CREM: variants seen among roughly 807,000 people sequenced by gnomAD.
CREM encodes cAMP responsive element modulator.
In CREM, 13 loss-of-function variants were observed where a neutral mutation model predicts 37.3. The ratio of observed to expected loss-of-function variants is 0.35; its 90% CI spans 0.23 to 0.55. The LOEUF (loss-of-function observed/expected upper bound fraction) is 0.55. CREM is among the 20% of genes least tolerant of loss of function. CREM has a pLI of 0.88. For synonymous variants in CREM, 124 were observed against 120.2 expected (o/e 1.03, Z -0.21); for missense variants, 296 against 362.3 (o/e 0.82, Z 1.49).
At chr10:35,176,985 GTA>G (rs989536799) in intron 3 of CREM, among the ~76,000 whole-genome samples, 22 of 151,990 alleles carry the variant, frequency 1.4e-4, no homozygotes, top group Middle Eastern at 3.4e-3. Context: ...ATTTTTTAAA[GTA>G]TGCATCTTAA....
chr10:35,195,036 G>C, intron 6 of CREM: 1 of 656,762 alleles, frequency 1.5e-6, no homozygotes, highest in South Asian at 2.1e-5. Context: ...CAGTGAGCTC[G>C]CCTGTGACAA....
At chr10:35,142,357 G>T (rs1171090193) in intron 2 of CREM, among the ~76,000 whole-genome samples, 1 of 152,200 alleles carries the variant, frequency 6.6e-6, no homozygotes, top group Non-Finnish European at 1.5e-5. Context: ...TAGGGAGGAG[G>T]CAGGAGGCAA....
chr10:35,211,682 G>C lies in CREM; in HGVS notation c.*284G>C. The C allele has an allele frequency of 6.2e-7, 1 of 1,613,040 alleles. No individual in the cohort carries two copies. The highest frequency in any genetic ancestry group is 8.5e-7 in the Non-Finnish European group (1 of 1,179,682). ...GAAGCTGCCAAAGAATGTCGACGTC[G>C]AAAGAAAGAATATGTAAAATGTCTG... On this transcript the variant is annotated 3_prime_UTR_variant, in exon 8 of 8. Coordinates refer to ENST00000685392, the MANE Select transcript of CREM (RefSeq NM_183011.2).
At chr10:35,176,032 A>T (rs2132978771) in intron 3 of CREM, 1 of 1,530,000 alleles carries the variant, frequency 6.5e-7, no homozygotes, top group Admixed American at 2.2e-5. Context: ...TTTGTCTTTG[A>T]CTTTCTTGAG....
chr10:35,150,651 G>A (rs933510205), intron 3 of CREM, among the ~76,000 whole-genome samples: 2 of 152,002 alleles, frequency 1.3e-5, no homozygotes, highest in Admixed American at 1.3e-4. Context: ...AAGAAACCCT[G>A]TCTCTACTAA....
At chr10:35,205,726 A>G (rs2095503299) in intron 6 of CREM, among the ~76,000 whole-genome samples, 2 of 152,216 alleles carry the variant, frequency 1.3e-5, no homozygotes, top group Non-Finnish European at 2.9e-5. Context: ...TGCGAGGTTG[A>G]GGCAGGCAGA....
At chr10:35,203,087 C>T (rs1357783961) in intron 6 of CREM, among the ~76,000 whole-genome samples, 1 of 151,528 alleles carries the variant, frequency 6.6e-6, no homozygotes, top group East Asian at 1.9e-4. Flanking sequence ...CAGGGTCTTA[C>T]TCTGTCGCTC....
chr10:35,129,895 G>GA (rs1363158171), intron 1 of CREM, among the ~76,000 whole-genome samples: 1 of 152,058 alleles, frequency 6.6e-6, no homozygotes, highest in Non-Finnish European at 1.5e-5. Flanking sequence ...ATCAACACAG[G>GA]AACTTAAAAA....
rs1482295977 is a variant in CREM at position 35,188,358 on chromosome 10, T to C, written c.568T>C (p.Phe190Leu). ...AQSADGTQQF[F>L]VPGSQVVVQA... is the part of the protein sequence containing the mutation. ...ATCAGCTGATGGCACACAGCAGTTC[T>C]TTGTCCCAGGCAGCCAGGTTGTTGT... The change falls in exon 6 of 8, where the codon TTT (phenylalanine) becomes CTT (leucine). Residue 190 changes from phenylalanine to leucine, a missense_variant. Physicochemically the swap from Phe to Leu is conservative, Grantham distance 22. This residue lies in a region of CREM where 257 missense variants were observed against 280.2 expected (regional missense o/e 0.92). Transcript: ENST00000685392. 2 of 1,612,288 alleles carry C rather than the reference T, an allele frequency of 1.2e-6. No individual in the cohort carries two copies. Among genetic ancestry groups the C allele is most frequent in the Non-Finnish European group, 1.7e-6 (2 of 1,179,362 alleles).
At chr10:35,194,323 A>T (rs987882735) in intron 6 of CREM, among the ~76,000 whole-genome samples, 5 of 68,200 alleles carry the variant, frequency 7.3e-5, no homozygotes, top group South Asian at 5.0e-4. Flanking sequence ...TTTGACATTT[A>T]AAAAAAATGT....
intron 3 of CREM, among the ~76,000 whole-genome samples, chr10:35,150,571 C>T (rs772351320): frequency 1.3e-5 from 2 of 152,138 alleles, no homozygotes; most frequent in African/African-American, 4.8e-5. Context: ...TCTGTAATCC[C>T]AGTACTTTGG....
intron 5 of CREM, among the ~76,000 whole-genome samples, chr10:35,186,722 C>CTATATATAATTATATATAGTTATAAT (rs2094567888): frequency 7.7e-6 from 1 of 129,414 alleles, no homozygotes; most frequent in East Asian, 2.2e-4. Context: ...ACATATATAA[C>CTATATATAATTATATATAGTTATAAT]TATATATAAT....
intron 5 of CREM, 192 bp downstream of exon 5, chr10:35,179,468 A>G (rs1052122459): frequency 1.5e-6 from 1 of 687,158 alleles, no homozygotes; most frequent in African/African-American, 1.9e-5. Context: ...ATAATTTTGA[A>G]AAGTAAAAAT....
chr10:35,187,123 A>AT (rs2094635500), intron 5 of CREM, among the ~76,000 whole-genome samples: 3 of 76,136 alleles, frequency 3.9e-5, no homozygotes, highest in African/African-American at 1.2e-4. Context: ...TAAATATATA[A>AT]ATATATTAAT....
intron 5 of CREM, among the ~76,000 whole-genome samples, chr10:35,187,047 T>C (rs1185171636): frequency 4.3e-5 from 3 of 70,050 alleles, no homozygotes; most frequent in Non-Finnish European, 7.5e-5. Flanking sequence ...ATATATTATA[T>C]ATAATTAATA....
chr10:35,142,484 C>T (rs967145928), intron 2 of CREM, among the ~76,000 whole-genome samples: 3 of 151,964 alleles, frequency 2.0e-5, no homozygotes, highest in Non-Finnish European at 4.4e-5. Flanking sequence ...AGTATAGAAA[C>T]GCAGGGATTG....
intron 2 of CREM, among the ~76,000 whole-genome samples, chr10:35,141,532 G>A (rs1349506779): frequency 1.3e-5 from 2 of 152,096 alleles, no homozygotes; most frequent in African/African-American, 4.8e-5. Flanking sequence ...TGGATGATGG[G>A]GTCCCATTTC....
At chr10:35,155,763 G>A (rs1463315864) in intron 3 of CREM, among the ~76,000 whole-genome samples, 1 of 151,782 alleles carries the variant, frequency 6.6e-6, no homozygotes, top group African/African-American at 2.4e-5. Flanking sequence ...CGAGAGCTGG[G>A]ACTACAGGCG....
chr10:35,209,961 G>C (rs1148248), intron 7 of CREM, among the ~76,000 whole-genome samples: 3 of 152,012 alleles, frequency 2.0e-5, no homozygotes, highest in African/African-American at 7.3e-5. Context: ...AGGAAGCAGG[G>C]GTTGATCTTT....
Sources: allele counts gnomAD v4.1 joint callset (sites outside exome capture counted in the v4.1 genomes callset), GRCh38; gene constraint gnomAD v4.1.1; regional missense constraint gnomAD v4.1.1; transcripts MANE v1.5; gene names NCBI Gene and HGNC (gene_info 2026-07-23, HGNC 2026-07-21).